The following FBXW11 variants were observed in gnomAD, a reference collection of about 807,000 sequenced individuals.
FBXW11 encodes F-box/WD repeat-containing protein 11.
In FBXW11, 19 loss-of-function variants were observed where a neutral mutation model predicts 77.6. The ratio of observed to expected loss-of-function variants is 0.24; its 90% CI spans 0.17 to 0.36. The LOEUF is 0.36. Among genes scored for constraint, FBXW11 ranks in the 10% least tolerant of loss-of-function variants. The pLI is 1.00. For missense variants in FBXW11, 334 were observed against 704.2 expected (o/e 0.47, Z 5.95); for synonymous variants, 235 against 249.4 (o/e 0.94, Z 0.54).
intron 2 of FBXW11, among the ~76,000 whole-genome samples, chr5:171,943,341 A>G (rs1468404662): frequency 1.3e-5 from 2 of 152,214 alleles, no homozygotes; most frequent in African/African-American, 4.8e-5. Context: ...TTCTAAGTGA[A>G]TGATCTGAAT....
chr5:171,988,131 C>T (rs955750191), intron 1 of FBXW11, among the ~76,000 whole-genome samples: 5 of 152,182 alleles, frequency 3.3e-5, no homozygotes, highest in Non-Finnish European at 5.9e-5. Flanking sequence ...CATGAACTCA[C>T]GGTTCTTTTT....
rs937140040 is a variant in FBXW11 at position 171,904,116 on chromosome 5, G to A, written c.437-4016C>T. Reference sequence around the variant, plus strand: ...GTTTGAGACCAGCCTGGACAGCATGGCAAAACTCCATCTCTACTAAATATA... The same window carrying A: ...GTTTGAGACCAGCCTGGACAGCATGACAAAACTCCATCTCTACTAAATATA... On this transcript the variant is annotated intron_variant, in intron 4 of 13. Transcript: ENST00000517395. This position sits in a 1 kb window ranked among gnomAD's most constrained non-coding sequence, Gnocchi z 4.0. 1.3e-5 allele frequency among the ~76,000 whole-genome samples: 2 copies of A among 152,004 alleles called. No homozygotes were observed. Among genetic ancestry groups the A allele is most frequent in the Non-Finnish European group, 2.9e-5 (2 of 68,000 alleles).
intron 1 of FBXW11, among the ~76,000 whole-genome samples, chr5:171,993,092 G>T (rs1765838819): frequency 6.6e-6 from 1 of 151,566 alleles, no homozygotes; most frequent in Non-Finnish European, 1.5e-5. Flanking sequence ...GCAAGCAGAA[G>T]AGGTGAACGA....
chr5:171,864,762 T>C (rs1757279093), intron 13 of FBXW11, among the ~76,000 whole-genome samples: 1 of 152,202 alleles, frequency 6.6e-6, no homozygotes, highest in Non-Finnish European at 1.5e-5. Flanking sequence ...ACATTCATCA[T>C]GTATGTAAAT....
intron 1 of FBXW11, among the ~76,000 whole-genome samples, chr5:172,005,294 T>G (rs1766672583): frequency 6.6e-6 from 1 of 152,214 alleles, no homozygotes; most frequent in South Asian, 2.1e-4. Flanking sequence ...GTTACCGTGT[T>G]AGGAAAGATA....
intron 1 of FBXW11, among the ~76,000 whole-genome samples, chr5:171,985,969 T>C (rs1400927071): frequency 6.6e-6 from 1 of 151,710 alleles, no homozygotes; most frequent in Admixed American, 6.6e-5. Context: ...ATTAAAAATG[T>C]ATATGACCAA....
At chr5:171,974,048 T>C (rs1764680677) in intron 1 of FBXW11, among the ~76,000 whole-genome samples, 1 of 152,192 alleles carries the variant, frequency 6.6e-6, no homozygotes, top group South Asian at 2.1e-4. Context: ...ATTAGAGCAA[T>C]GTTTCCCAAA....
intron 2 of FBXW11, among the ~76,000 whole-genome samples, chr5:171,916,914 GTTTT>G (rs573907431): frequency 1.3e-5 from 2 of 151,922 alleles, no homozygotes; most frequent in Non-Finnish European, 2.9e-5. Flanking sequence ...TTTTTGTGGG[GTTTT>G]TTTGTTTTGT....
chr5:171,893,307 G>A (rs1451503382), intron 6 of FBXW11, among the ~76,000 whole-genome samples: 1 of 150,700 alleles, frequency 6.6e-6, no homozygotes, highest in Non-Finnish European at 1.5e-5. Flanking sequence ...GGAGATGCCA[G>A]GAGAGGGGAA....
chr5:171,910,576 T>C lies in FBXW11; in HGVS notation c.432A>G (p.Leu144=). The change falls in exon 4 of 14, where the codon TTA becomes TTG. Residue 144 remains leucine (L), a synonymous_variant. Coordinates refer to ENST00000517395, the MANE Select transcript of FBXW11 (RefSeq NM_001378974.1). Reference sequence around the variant, plus strand: ...TGAAAAGACAAGTACAGTTACCTGGTAAAGCGGTAATAAAGTCCCGCTGCA... The same window carrying C: ...TGAAAAGACAAGTACAGTTACCTGGCAAAGCGGTAATAAAGTCCCGCTGCA... ...PMLQRDFITA[L]PEQGLDHIAE... is the part of the protein sequence containing the mutation. The C allele has an allele frequency of 1.2e-6, 2 of 1,611,806 alleles. No individual in the cohort carries two copies. The highest frequency in any genetic ancestry group is 8.5e-7 in the Non-Finnish European group (1 of 1,178,562).
intron 1 of FBXW11, among the ~76,000 whole-genome samples, chr5:171,974,680 A>G (rs936925469): frequency 1.3e-5 from 2 of 152,134 alleles, no homozygotes; most frequent in African/African-American, 4.8e-5. Context: ...GACTGCACCT[A>G]TAAATATTCA....
chr5:171,929,653 C>T (rs1215045970), intron 2 of FBXW11, among the ~76,000 whole-genome samples: 3 of 151,788 alleles, frequency 2.0e-5, no homozygotes, highest in Non-Finnish European at 4.4e-5. Context: ...AGATCGAGAC[C>T]ATCCTGGCTA....
At chr5:171,968,456 C>CAA (rs70982358) in intron 1 of FBXW11, among the ~76,000 whole-genome samples, 2,581 of 133,518 alleles carry the variant, frequency 0.019, 47 homozygotes, top group South Asian at 0.055. Context: ...GACTCTGTCT[C>CAA]AAAAAAAAAA....
At chr5:171,889,622 T>A (rs546863463) in intron 7 of FBXW11, among the ~76,000 whole-genome samples, 2 of 151,588 alleles carry the variant, frequency 1.3e-5, no homozygotes, top group East Asian at 3.9e-4. Context: ...CATGGTGGTT[T>A]ACGCCTGTAA....
intron 4 of FBXW11, among the ~76,000 whole-genome samples, chr5:171,909,530 T>C (rs970864421): frequency 2.0e-5 from 3 of 152,240 alleles, no homozygotes; most frequent in African/African-American, 4.8e-5. Flanking sequence ...ACAAATGTAC[T>C]GCTCTGCTGT....
intron 2 of FBXW11, among the ~76,000 whole-genome samples, chr5:171,931,548 A>G (rs1263548667): frequency 6.6e-6 from 1 of 152,248 alleles, no homozygotes; most frequent in African/African-American, 2.4e-5. Context: ...GCCTAAATGG[A>G]AAATGGAAAG....
rs1414597774 is a variant in FBXW11 at position 171,941,838 on chromosome 5, A to C, written c.147+15759T>G. ...AATCCTTTGTGACTTTTAGGTTGGG[A>C]AAGACGCATGAACCTGTAGTGTCAG... On this transcript the variant is annotated intron_variant, in intron 2 of 13. Coordinates refer to ENST00000517395, the MANE Select transcript of FBXW11 (RefSeq NM_001378974.1). Among the ~76,000 whole-genome samples, 3 of 150,704 alleles carry C rather than the reference A, an allele frequency of 2.0e-5. No individual in the cohort carries two copies. In the East Asian group the frequency reaches 6.0e-4, roughly 30 times the overall value.
intron 1 of FBXW11, among the ~76,000 whole-genome samples, chr5:171,963,972 C>T (rs1764048962): frequency 6.6e-6 from 1 of 152,084 alleles, no homozygotes; most frequent in African/African-American, 2.4e-5. Context: ...AGTGAGACAT[C>T]CAAAATTTTA....
At chr5:171,916,891 T>C (rs1188183031) in intron 2 of FBXW11, among the ~76,000 whole-genome samples, 1 of 152,024 alleles carries the variant, frequency 6.6e-6, no homozygotes, top group Non-Finnish European at 1.5e-5. Context: ...TATGGTTTTG[T>C]TTTGTTTTCT....
Sources: gnomAD v4.1 joint callset for allele counts (sites outside exome capture counted in the v4.1 genomes callset) on GRCh38, gnomAD v4.1.1 for gene constraint, Gnocchi (gnomAD v3.1) non-coding constraint, MANE v1.5 for transcripts, NCBI Gene and HGNC (gene_info 2026-07-23, HGNC 2026-07-21) for gene names.